The following SSH1 variants were observed in gnomAD, a reference collection of about 807,000 sequenced individuals.
SSH1 encodes the protein slingshot protein phosphatase 1, also known as protein phosphatase Slingshot homolog 1.
Under a neutral mutation model 79.7 loss-of-function variants are expected in SSH1, and 43 were observed. That is an observed-to-expected ratio of 0.54 (90% CI 0.42 to 0.70). The LOEUF (loss-of-function observed/expected upper bound fraction) is 0.70. SSH1 is among the 30% of genes least tolerant of loss of function. The pLI is 0.00. For synonymous variants in SSH1, 599 were observed against 538.3 expected, an observed-to-expected ratio of 1.11 and a Z score of -1.56; for missense variants, 1,206 against 1,358.8, an observed-to-expected ratio of 0.89 and a Z score of 1.77.
chr12:108,845,252 G>A (rs1279044512), intron 2 of SSH1, among the ~76,000 whole-genome samples: 1 of 151,152 alleles, frequency 6.6e-6, no homozygotes, highest in African/African-American at 2.4e-5. Flanking sequence ...CAAGAACCAC[G>A]TGAGCTTAAA....
chr12:108,789,619 A>C (rs967716987), intron 14 of SSH1, among the ~76,000 whole-genome samples: 2 of 152,160 alleles, frequency 1.3e-5, no homozygotes, highest in African/African-American at 4.8e-5. Context: ...AAGCTGTGTG[A>C]AGAGTCCCAG....
chr12:108,805,532 TCA>T (rs1265868615), intron 9 of SSH1, among the ~76,000 whole-genome samples: 1 of 152,194 alleles, frequency 6.6e-6, no homozygotes, highest in Non-Finnish European at 1.5e-5. Flanking sequence ...TGGAAAGATA[TCA>T]CAATATGATT....
intron 1 of SSH1, among the ~76,000 whole-genome samples, chr12:108,853,991 C>A (rs2039096790): frequency 6.6e-6 from 1 of 151,132 alleles, no homozygotes; most frequent in East Asian, 1.9e-4. Flanking sequence ...GAAGTACATA[C>A]AAGATTCTGC....
chr12:108,824,135 C>T (rs1453683564), intron 2 of SSH1, among the ~76,000 whole-genome samples: 1 of 152,186 alleles, frequency 6.6e-6, no homozygotes, highest in Non-Finnish European at 1.5e-5. Flanking sequence ...TACACTTTCA[C>T]TAGTTGTTTG....
At chr12:108,808,821 C>CTTTTT (rs148110288) in intron 7 of SSH1, among the ~76,000 whole-genome samples, 30 of 80,282 alleles carry the variant, frequency 3.7e-4, no homozygotes, top group Admixed American at 7.1e-4. Context: ...TCTTTTACTT[C>CTTTTT]TTTTTTTTTT....
chr12:108,823,224 C>CTCCAA, intron 3 of SSH1, 34 bp downstream of exon 3: 4 of 1,523,226 alleles, frequency 2.6e-6, no homozygotes, highest in Non-Finnish European at 3.6e-6. Context: ...AGAAAAGAAG[C>CTCCAA]TCCAATGTAA....
intron 9 of SSH1, among the ~76,000 whole-genome samples, chr12:108,805,868 T>C (rs1201020319): frequency 6.6e-6 from 1 of 152,224 alleles, no homozygotes; most frequent in Non-Finnish European, 1.5e-5. Flanking sequence ...GAAATTATTC[T>C]AGAATTTGAT....
chr12:108,853,039 G>A (rs1385034669), intron 1 of SSH1: 1 of 985,246 alleles, frequency 1.0e-6, no homozygotes, highest in Non-Finnish European at 1.2e-6. Context: ...TTTAAGGGGA[G>A]GGGGTCATGT....
chr12:108,805,369 C>T (rs915443617), intron 9 of SSH1, among the ~76,000 whole-genome samples, 185 bp from the exon 10 acceptor site: 7 of 152,152 alleles, frequency 4.6e-5, no homozygotes, highest in Admixed American at 1.3e-4. Context: ...GCAGGTTATT[C>T]AGCTTAGAAG....
In SSH1 at chr12:108,807,656, G is replaced by A. The variant is rs764261133; in HGVS notation, c.708C>T (p.Asp236=). The A allele has an allele frequency of 1.2e-6, 2 of 1,612,966 alleles. No homozygotes were observed. Among genetic ancestry groups the A allele is most frequent in the Non-Finnish European group, 1.7e-6 (2 of 1,179,352 alleles). Residue 236 remains aspartate, a synonymous_variant, in exon 8 of 15, where the codon GAC becomes GAT. Transcript: ENST00000326495. The surrounding 1 kb of genome is among the most constrained non-coding windows in gnomAD (Gnocchi z 5.2). ...AMQDLESTRP[D]SPALFVDKPT... ...ACTTGTCCACAAATAGCGCGGGGGAGTCGGGCCGCGTAGACTCCAGGTCCT... is the reference window on the plus strand; with the variant it reads ...ACTTGTCCACAAATAGCGCGGGGGAATCGGGCCGCGTAGACTCCAGGTCCT...
chr12:108,798,055 G>A (rs1378537194), intron 13 of SSH1, among the ~76,000 whole-genome samples: 1 of 152,204 alleles, frequency 6.6e-6, no homozygotes, highest in Non-Finnish European at 1.5e-5. Flanking sequence ...CTGCCATGGG[G>A]CCTGCACAGG....
chr12:108,782,808 G>C lies in SSH1; in HGVS notation c.*5180C>G, dbSNP rs867188101. 1 of 152,068 alleles carries C rather than the reference G, an allele frequency of 6.6e-6. No individual in the cohort carries two copies. The highest frequency in any genetic ancestry group is 2.1e-4 in the South Asian group (1 of 4,826). The allele number at this position is 152,068 out of a possible 1,614,324, so 9.4% of individuals were successfully genotyped here. A position where few individuals can be genotyped will look rare whatever the true frequency, so the allele number is the denominator to read the frequency against. On this transcript the variant is annotated 3_prime_UTR_variant, in exon 15 of 15. Transcript: ENST00000326495. ...CTGCATCTTCTACTGCAAATTCACA[G>C]TACAAAAGATACTGCCTTTAAATAT...
At chr12:108,840,442 AG>A (rs746614970) in intron 2 of SSH1, among the ~76,000 whole-genome samples, 16 of 152,136 alleles carry the variant, frequency 1.1e-4, no homozygotes, top group Non-Finnish European at 2.1e-4. Flanking sequence ...CTGAGGCAGG[AG>A]AATCACTTGA....
intron 3 of SSH1, among the ~76,000 whole-genome samples, chr12:108,822,282 C>T (rs916379967): frequency 5.3e-5 from 8 of 150,922 alleles, no homozygotes; most frequent in African/African-American, 1.5e-4. Flanking sequence ...TACAGGCATG[C>T]GCCACCACGC....
intron 2 of SSH1, among the ~76,000 whole-genome samples, chr12:108,824,591 G>C (rs2038244668): frequency 6.6e-6 from 1 of 152,148 alleles, no homozygotes; most frequent in South Asian, 2.1e-4. Flanking sequence ...TCAGCAGAAT[G>C]AATCTTTGGC....
intron 5 of SSH1, among the ~76,000 whole-genome samples, chr12:108,813,264 TG>T (rs2037710624): frequency 6.6e-6 from 1 of 152,180 alleles, no homozygotes; most frequent in Non-Finnish European, 1.5e-5. Flanking sequence ...AGGGCCTGTA[TG>T]GCGGGAACAG....
chr12:108,802,451 T>C, intron 10 of SSH1, 83 bp from the exon 11 acceptor site: 2 of 1,327,274 alleles, frequency 1.5e-6, no homozygotes, highest in Non-Finnish European at 2.2e-6. Context: ...TTGCCCTAGC[T>C]CTGGCGGTGA....
chr12:108,812,745 T>C (rs996513225), intron 5 of SSH1, among the ~76,000 whole-genome samples: 1 of 152,234 alleles, frequency 6.6e-6, no homozygotes, highest in Non-Finnish European at 1.5e-5. Context: ...CTGCAACAAC[T>C]GCACGCATCT....
intron 7 of SSH1, among the ~76,000 whole-genome samples, chr12:108,808,935 C>G (rs760102744): frequency 1.0e-4 from 15 of 144,912 alleles, no homozygotes; most frequent in Non-Finnish European, 2.2e-4. Context: ...CTGGGTTCAA[C>G]TAATTCTCTT....
Sources: gnomAD v4.1 joint callset for allele counts (sites outside exome capture counted in the v4.1 genomes callset) on GRCh38, gnomAD v4.1.1 for gene constraint, Gnocchi (gnomAD v3.1) non-coding constraint, MANE v1.5 for transcripts, NCBI Gene and HGNC (gene_info 2026-07-23, HGNC 2026-07-21) for gene names.